NCK2: variants seen among roughly 807,000 people sequenced by gnomAD.
NCK2 encodes the protein cytoplasmic protein NCK2.
A neutral mutation model predicts 33.9 loss-of-function variants in NCK2; 16 were observed. The observed-to-expected ratio is 0.47, with a 90% CI of 0.32 to 0.72. The LOEUF is 0.72. Among genes scored for constraint, NCK2 ranks in the 30% least tolerant of loss-of-function variants. The pLI is 0.03. For missense variants in NCK2, 418 were observed against 537.3 expected, an observed-to-expected ratio of 0.78 and a Z score of 2.19; for synonymous variants, 273 against 239.9, an observed-to-expected ratio of 1.14 and a Z score of -1.27.
At chr2:105,864,110 G>A (rs922795348) in intron 3 of NCK2, among the ~76,000 whole-genome samples, 1 of 152,092 alleles carries the variant, frequency 6.6e-6, no homozygotes, top group South Asian at 2.1e-4. Flanking sequence ...CTGGGGTGGG[G>A]CATGCCACAC....
At chr2:105,867,912 C>G (rs554867223) in intron 3 of NCK2, among the ~76,000 whole-genome samples, 1 of 152,360 alleles carries the variant, frequency 6.6e-6, no homozygotes, top group South Asian at 2.1e-4. Context: ...GAACCATCTT[C>G]CTAGCATGTT....
At chr2:105,886,115 TGCCTGTAG>T (rs1475605732) in intron 4 of NCK2, among the ~76,000 whole-genome samples, 1 of 152,252 alleles carries the variant, frequency 6.6e-6, no homozygotes, top group African/African-American at 2.4e-5. Context: ...CTGTGAGCAG[TGCCTGTAG>T]GCATCTTTCC....
chr2:105,758,300 C>T (rs1689656137), intron 1 of NCK2, among the ~76,000 whole-genome samples: 1 of 151,908 alleles, frequency 6.6e-6, no homozygotes. Context: ...CACATCAATC[C>T]TGTGCACACA....
At chr2:105,854,677 A>G (rs991937851) in intron 2 of NCK2, 6 of 171,892 alleles carry the variant, frequency 3.5e-5, no homozygotes, top group Non-Finnish European at 7.6e-5. Context: ...TGTTTATAAG[A>G]CACAGCATAT....
chr2:105,852,030 T>C (rs972751476), intron 2 of NCK2: 1 of 152,204 alleles, frequency 6.6e-6, no homozygotes, highest in Admixed American at 6.5e-5. Flanking sequence ...ACTTTTAATT[T>C]TCACGTGTCC....
At chr2:105,810,076 A>T (rs1256172236) in intron 1 of NCK2, among the ~76,000 whole-genome samples, 1 of 152,066 alleles carries the variant, frequency 6.6e-6, no homozygotes, top group Non-Finnish European at 1.5e-5. Context: ...ACACATCCCC[A>T]CTCTTCATTC....
chr2:105,825,397 T>TA (rs1675901680), intron 2 of NCK2, among the ~76,000 whole-genome samples: 1 of 152,226 alleles, frequency 6.6e-6, no homozygotes, highest in Admixed American at 6.5e-5. Context: ...CTTTGATCCT[T>TA]ACAGCGAGCT....
intron 1 of NCK2, among the ~76,000 whole-genome samples, chr2:105,776,249 G>A (rs536360923): frequency 2.6e-4 from 39 of 152,372 alleles, no homozygotes; most frequent in Non-Finnish European, 4.9e-4. Flanking sequence ...GACAGAAACC[G>A]TACATCCTGG....
At position 105,893,290 on chromosome 2, in the gene NCK2, T is replaced by C. The variant is rs1679074877; in HGVS notation, c.*114T>C. 3 of 1,056,088 alleles carry C rather than the reference T, an allele frequency of 2.8e-6. No individual in the cohort carries two copies. Among genetic ancestry groups the C allele is most frequent in the Admixed American group, 5.6e-5 (2 of 35,650 alleles). 65.4% of individuals were successfully genotyped at this position (1,056,088 alleles called of 1,614,324 possible). ...CCCCGACGGCTTCTCTGCGAGTCTC[T>C]CTTTATGTTCAGGTCGCTTGGTCGG... On this transcript the variant is annotated 3_prime_UTR_variant, in exon 5 of 5. Coordinates refer to ENST00000233154, the MANE Select transcript of NCK2 (RefSeq NM_003581.5).
intron 3 of NCK2, 51 bp downstream of exon 3, chr2:105,855,340 T>A: frequency 7.2e-7 from 1 of 1,389,150 alleles, no homozygotes; most frequent in South Asian, 1.4e-5. Context: ...CAAGGGACAC[T>A]GTTCGTCTTT....
chr2:105,812,542 T>G (rs1457947169), intron 1 of NCK2, among the ~76,000 whole-genome samples: 1 of 152,178 alleles, frequency 6.6e-6, no homozygotes, highest in African/African-American at 2.4e-5. Context: ...GAACGGGAGA[T>G]CCACTTGCAG....
intron 1 of NCK2, among the ~76,000 whole-genome samples, chr2:105,747,699 C>T (rs1463091765): frequency 6.6e-6 from 1 of 152,292 alleles, no homozygotes. Flanking sequence ...AATTAGTTTT[C>T]CCATCCAGAG....
intron 1 of NCK2, among the ~76,000 whole-genome samples, chr2:105,752,885 A>T: frequency 6.6e-6 from 1 of 152,240 alleles, no homozygotes; most frequent in Middle Eastern, 3.2e-3. Context: ...TAAAGTGAAC[A>T]TTAGCTTCTC....
intron 1 of NCK2, among the ~76,000 whole-genome samples, chr2:105,782,883 G>A (rs984869279): frequency 6.6e-6 from 1 of 152,238 alleles, no homozygotes; most frequent in African/African-American, 2.4e-5. Context: ...CAACTGGAGA[G>A]GCGTAGGGGG....
At chr2:105,826,010 C>T (rs998637927) in intron 2 of NCK2, among the ~76,000 whole-genome samples, 12 of 152,306 alleles carry the variant, frequency 7.9e-5, no homozygotes, top group African/African-American at 2.9e-4. Context: ...GGATGGTCTA[C>T]ATCCCTTAGA....
intron 3 of NCK2, among the ~76,000 whole-genome samples, chr2:105,866,836 A>T (rs555926068): frequency 6.6e-6 from 1 of 152,170 alleles, no homozygotes; most frequent in Non-Finnish European, 1.5e-5. Context: ...TGTACCCAGT[A>T]ATTTTTGGTA....
intron 2 of NCK2, among the ~76,000 whole-genome samples, chr2:105,817,328 A>G (rs984687510): frequency 2.6e-5 from 4 of 152,236 alleles, no homozygotes; most frequent in Admixed American, 1.3e-4. Context: ...CAGTGGTGCT[A>G]TCACCACAGG....
At chr2:105,874,696 C>CAG (rs1318804902) in intron 3 of NCK2, among the ~76,000 whole-genome samples, 1 of 152,186 alleles carries the variant, frequency 6.6e-6, no homozygotes, top group Non-Finnish European at 1.5e-5. Context: ...AGATGACAGG[C>CAG]AGAGCATGTT....
chr2:105,872,941 T>A (rs147420646), intron 3 of NCK2, among the ~76,000 whole-genome samples: 96 of 152,284 alleles, frequency 6.3e-4, no homozygotes, highest in African/African-American at 2.2e-3. Context: ...AAGTGGACAT[T>A]AGCAGCGCCT....
Sources: gnomAD v4.1 joint callset for allele counts (sites outside exome capture counted in the v4.1 genomes callset) on GRCh38, gnomAD v4.1.1 for gene constraint, MANE v1.5 for transcripts, NCBI Gene and HGNC (gene_info 2026-07-23, HGNC 2026-07-21) for gene names.